The following ATRNL1 variants were observed in gnomAD, a reference collection of about 807,000 sequenced individuals.
The protein encoded by ATRNL1 is attractin-like protein 1.
Under a neutral mutation model 182.7 loss-of-function variants are expected in ATRNL1, and 95 were observed. That is an observed-to-expected ratio of 0.52 (90% CI 0.44 to 0.62). ATRNL1 has a LOEUF of 0.62. Ranked by LOEUF, ATRNL1 falls within the 20% of genes least tolerant of loss-of-function variation. The pLI, the probability that ATRNL1 is intolerant of heterozygous loss-of-function variation, is 0.00. For synonymous variants in ATRNL1, 576 were observed against 568.3 expected, an observed-to-expected ratio of 1.01 and a Z score of -0.19; for missense variants, 1,471 against 1,679.5, an observed-to-expected ratio of 0.88 and a Z score of 2.17.
intron 1 of ATRNL1, among the ~76,000 whole-genome samples, chr10:115,114,727 A>C (rs575026141): frequency 6.6e-6 from 1 of 152,312 alleles, no homozygotes; most frequent in African/African-American, 2.4e-5. Flanking sequence ...TCTTATAAAA[A>C]AGATGAAAGA....
At chr10:115,829,469 T>A (rs1950510370) in intron 27 of ATRNL1, among the ~76,000 whole-genome samples, 1 of 151,174 alleles carries the variant, frequency 6.6e-6, no homozygotes, top group Admixed American at 6.6e-5. Context: ...TGCAGTCTCT[T>A]CAGGAGATTT....
chr10:115,128,500 C>T (rs1019384339), intron 4 of ATRNL1: 11 of 660,306 alleles, frequency 1.7e-5, no homozygotes, highest in East Asian at 2.7e-4. Context: ...TATCCTACAA[C>T]GTATCCAAGT....
chr10:115,320,486 T>C (rs1854525875), intron 18 of ATRNL1, among the ~76,000 whole-genome samples: 1 of 152,202 alleles, frequency 6.6e-6, no homozygotes, highest in Non-Finnish European at 1.5e-5. Flanking sequence ...CTGAAGTGTA[T>C]TTTCCAGCTT....
At chr10:115,156,141 G>A (rs1363403072) in intron 5 of ATRNL1, among the ~76,000 whole-genome samples, 8 of 152,104 alleles carry the variant, frequency 5.3e-5, no homozygotes, top group African/African-American at 1.9e-4. Flanking sequence ...CTGATAACGT[G>A]CGATGCTGAG....
chr10:115,485,748 T>C (rs1251059029), intron 24 of ATRNL1, among the ~76,000 whole-genome samples: 6 of 152,254 alleles, frequency 3.9e-5, no homozygotes, highest in African/African-American at 1.4e-4. Context: ...TGAAGATCTT[T>C]CTTTTTTTAT....
chr10:115,302,316 C>G (rs1554924889), intron 17 of ATRNL1, among the ~76,000 whole-genome samples: 1 of 152,130 alleles, frequency 6.6e-6, no homozygotes, highest in Admixed American at 6.5e-5. Context: ...GACAGTATAA[C>G]ACTTCATGAG....
intron 26 of ATRNL1, among the ~76,000 whole-genome samples, chr10:115,652,569 G>T (rs1265752814): frequency 2.0e-5 from 3 of 152,018 alleles, no homozygotes; most frequent in African/African-American, 7.2e-5. Flanking sequence ...AGAAGAAATG[G>T]ACATATTAAT....
intron 26 of ATRNL1, among the ~76,000 whole-genome samples, chr10:115,628,274 G>A (rs571865515): frequency 6.6e-6 from 1 of 152,022 alleles, no homozygotes; most frequent in Non-Finnish European, 1.5e-5. Flanking sequence ...AAATTATACA[G>A]CTATTCTCAT....
chr10:115,661,865 C>T (rs1213179958), intron 26 of ATRNL1, among the ~76,000 whole-genome samples: 1 of 151,914 alleles, frequency 6.6e-6, no homozygotes, highest in Non-Finnish European at 1.5e-5. Flanking sequence ...TGGTGTGCTG[C>T]ACCCATTACC....
At chr10:115,130,298 C>T (rs530919901) in intron 5 of ATRNL1, among the ~76,000 whole-genome samples, 2 of 152,160 alleles carry the variant, frequency 1.3e-5, no homozygotes, top group South Asian at 4.1e-4. Context: ...TCAATAATTA[C>T]ATAACCTGAA....
intron 28 of ATRNL1, among the ~76,000 whole-genome samples, chr10:115,932,415 T>G (rs1589711905): frequency 6.6e-6 from 1 of 152,230 alleles, no homozygotes; most frequent in Non-Finnish European, 1.5e-5. Context: ...CAGACATACC[T>G]GTTTTCGTTA....
intron 28 of ATRNL1, chr10:115,909,565 G>A (rs1031735327): frequency 1.4e-5 from 2 of 146,816 alleles, no homozygotes; most frequent in African/African-American, 2.6e-5. Context: ...CTGAAGACAG[G>A]ACATGACTTC....
chr10:115,819,115 C>T (rs1397257128), intron 27 of ATRNL1, among the ~76,000 whole-genome samples: 1 of 152,048 alleles, frequency 6.6e-6, no homozygotes, highest in Admixed American at 6.6e-5. Context: ...CCCACCTGTT[C>T]TCTACAGATA....
At chr10:115,903,687 G>T (rs527937287) in intron 28 of ATRNL1, among the ~76,000 whole-genome samples, 1 of 151,988 alleles carries the variant, frequency 6.6e-6, no homozygotes, top group Admixed American at 6.6e-5. Context: ...GCCTTCATCT[G>T]CTCTCGTCAG....
chr10:115,770,518 AG>A lies in ATRNL1; in HGVS notation c.3903+43165del, dbSNP rs201962870. The stretch of plus-strand genomic sequence containing the variant: ...AATAAATATCTGTCTTCCTCAAGGC[AG>A]GCTGTGTCAAAAGCATATTGAGGCA... On this transcript the variant is annotated intron_variant, in intron 27 of 28. Transcript: ENST00000355044. Among the ~76,000 whole-genome samples the A allele has an allele frequency of 7.5e-3, 1,149 of 152,306 alleles. 11 individuals are homozygous for A. The highest frequency in any genetic ancestry group is 0.023 in the African/African-American group (967 of 41,568).
At chr10:115,178,381 T>A (rs1343371749) in intron 8 of ATRNL1, among the ~76,000 whole-genome samples, 1 of 152,182 alleles carries the variant, frequency 6.6e-6, no homozygotes, top group Non-Finnish European at 1.5e-5. Context: ...TTCCACATGC[T>A]TTTGTTTGTC....
chr10:115,538,749 C>T (rs6585339), intron 25 of ATRNL1, among the ~76,000 whole-genome samples: 106,452 of 151,964 alleles, frequency 0.7, 38,384 homozygotes, highest in African/African-American at 0.79. Flanking sequence ...ATGCTTTTGA[C>T]GTCATATCCA....
chr10:115,203,745 A>ATTTTTTTTTTTTTTTTT (rs71476116), intron 8 of ATRNL1, among the ~76,000 whole-genome samples: 7 of 106,048 alleles, frequency 6.6e-5, no homozygotes, highest in Non-Finnish European at 8.8e-5. Context: ...ATGCCTGGCT[A>ATTTTTTTTTTTTTTTTT]TTTTTTTTTT....
At chr10:115,813,241 A>C (rs1356487309) in intron 27 of ATRNL1, among the ~76,000 whole-genome samples, 1 of 152,114 alleles carries the variant, frequency 6.6e-6, no homozygotes, top group Non-Finnish European at 1.5e-5. Flanking sequence ...AATAATAATT[A>C]AATTAAATTA....
Sources: gnomAD v4.1 joint callset for allele counts (sites outside exome capture counted in the v4.1 genomes callset) on GRCh38, gnomAD v4.1.1 for gene constraint, MANE v1.5 for transcripts, NCBI Gene and HGNC (gene_info 2026-07-23, HGNC 2026-07-21) for gene names.